Variants in UBE2R2 observed in about 807,000 individuals in gnomAD.
UBE2R2 encodes the protein ubiquitin-conjugating enzyme E2 R2.
UBE2R2 carries 1 observed loss-of-function variant against 27.8 expected under a neutral mutation model. The observed-to-expected ratio is 0.04, with a 90% CI of 0.01 to 0.17. The LOEUF (loss-of-function observed/expected upper bound fraction) is 0.17. Ranked by LOEUF, UBE2R2 falls within the 10% of genes least tolerant of loss-of-function variation. The pLI is 1.00. For missense variants in UBE2R2, 100 were observed against 291.0 expected (o/e 0.34, Z 4.78); for synonymous variants, 106 against 113.3 (o/e 0.94, Z 0.41).
At chr9:33,900,359 A>G (rs1485586293) in intron 3 of UBE2R2, 88 bp downstream of exon 3, 5 of 927,456 alleles carry the variant, frequency 5.4e-6, no homozygotes, top group Non-Finnish European at 8.3e-6. Context: ...GTCTTTTAAC[A>G]TGTAAAAAAT....
intron 4 of UBE2R2, 129 bp from the exon 5 acceptor site, chr9:33,916,889 G>T (rs1822658316): frequency 1.4e-6 from 2 of 1,391,970 alleles, no homozygotes; most frequent in Non-Finnish European, 1.9e-6. Context: ...GTATCTGTCA[G>T]ATGCTTTCAG....
intron 1 of UBE2R2, among the ~76,000 whole-genome samples, chr9:33,857,639 G>A (rs369366064): frequency 9.2e-5 from 14 of 152,280 alleles, no homozygotes; most frequent in African/African-American, 3.4e-4. Flanking sequence ...TTTTAAATTA[G>A]AAAGTGTTAC....
intron 1 of UBE2R2, among the ~76,000 whole-genome samples, chr9:33,877,185 T>C (rs1821623721): frequency 6.7e-6 from 1 of 149,484 alleles, no homozygotes; most frequent in African/African-American, 2.4e-5. Context: ...ATTGAATTTT[T>C]TTTTTTTTTT....
chr9:33,863,469 G>A (rs909761595), intron 1 of UBE2R2, among the ~76,000 whole-genome samples: 1 of 151,568 alleles, frequency 6.6e-6, no homozygotes, highest in African/African-American at 2.4e-5. Context: ...CCGAGATCAA[G>A]ATTGCGTTGC....
chr9:33,917,341 G>A lies in UBE2R2; in HGVS notation c.*104G>A, dbSNP rs576785644. On this transcript the variant is annotated 3_prime_UTR_variant, in exon 5 of 5. Transcript: ENST00000263228. ...CCCTCAGCAAAAACCTATTCACAGCGGGTGGGGAAACACACACAGCTCCTG... is the reference window on the plus strand; with the variant it reads ...CCCTCAGCAAAAACCTATTCACAGCAGGTGGGGAAACACACACAGCTCCTG... 9.3e-5 allele frequency: 142 copies of A among 1,532,772 alleles called. No individual in the cohort carries two copies. The African/African-American group carries it at 1.5e-3, about 16-fold the overall frequency. 94.9% of individuals were successfully genotyped at this position (1,532,772 alleles called of 1,614,324 possible). A position where few individuals can be genotyped will look rare whatever the true frequency, so the allele number is the denominator to read the frequency against.
At chr9:33,815,933 G>A (rs1038151050), upstream of UBE2R2, among the ~76,000 whole-genome samples, 4 of 152,134 alleles carry the variant, frequency 2.6e-5, no homozygotes, top group African/African-American at 9.7e-5. Flanking sequence ...AAACAGCCGG[G>A]TGTGGAGGCA....
chr9:33,826,423 G>A (rs1219193026), intron 1 of UBE2R2, among the ~76,000 whole-genome samples: 1 of 152,162 alleles, frequency 6.6e-6, no homozygotes, highest in African/African-American at 2.4e-5. Context: ...AAGTGGCTAG[G>A]AGTGGTGGCT....
chr9:33,894,632 T>C (rs1291492299), intron 2 of UBE2R2, among the ~76,000 whole-genome samples: 4 of 152,150 alleles, frequency 2.6e-5, no homozygotes, highest in African/African-American at 9.7e-5. Flanking sequence ...ATGTGGTGGC[T>C]CACACCTGTA....
Position 33,917,171 on chromosome 9 carries a change from TGAA to T in UBE2R2, c.654_656del (p.Glu218del), listed in dbSNP as rs753745524. The T allele has an allele frequency of 6.8e-6, 11 of 1,613,996 alleles. No homozygotes were observed. Among genetic ancestry groups the T allele is most frequent in the South Asian group, 2.2e-5 (2 of 91,086 alleles). On this transcript the variant is annotated inframe_deletion, in exon 5 of 5. Transcript: ENST00000263228. Reference sequence around the variant, plus strand: ...ACTTGTATGATGACGACATTGATGATGAAGATGAGGAGGAGGAAGATGCCGACT... The same window carrying T: ...ACTTGTATGATGACGACATTGATGATGATGAGGAGGAGGAAGATGCCGACT...
upstream of UBE2R2, among the ~76,000 whole-genome samples, chr9:33,815,648 G>A (rs1825737685): frequency 6.6e-6 from 1 of 152,144 alleles, no homozygotes; most frequent in Non-Finnish European, 1.5e-5. Flanking sequence ...GGAGACTGAG[G>A]TTAGAGGATG....
intron 1 of UBE2R2, among the ~76,000 whole-genome samples, chr9:33,860,852 A>G (rs1199813515): frequency 3.3e-5 from 5 of 152,090 alleles, no homozygotes; most frequent in African/African-American, 1.2e-4. Context: ...AACTATGATC[A>G]TGCCACTGTA....
chr9:33,912,173 C>A, intron 4 of UBE2R2, 75 bp downstream of exon 4: 2 of 1,251,180 alleles, frequency 1.6e-6, no homozygotes, highest in Non-Finnish European at 2.2e-6. Flanking sequence ...TTAAATCAAA[C>A]TTAAATATCC....
At chr9:33,872,500 C>T (rs1190983944) in intron 1 of UBE2R2, among the ~76,000 whole-genome samples, 1 of 151,868 alleles carries the variant, frequency 6.6e-6, no homozygotes, top group African/African-American at 2.4e-5. Flanking sequence ...ATTTAAAAAT[C>T]GAGGCACCAG....
At chr9:33,848,428 C>A (rs185166219) in intron 1 of UBE2R2, among the ~76,000 whole-genome samples, 2 of 152,148 alleles carry the variant, frequency 1.3e-5, no homozygotes, top group Admixed American at 1.3e-4. Flanking sequence ...ATCTTTCTCC[C>A]TCTTTCCTTT....
chr9:33,907,028 T>C (rs749471677), intron 3 of UBE2R2, among the ~76,000 whole-genome samples: 21 of 152,196 alleles, frequency 1.4e-4, no homozygotes, highest in Non-Finnish European at 2.6e-4. Flanking sequence ...AGACCCAAGT[T>C]TGCTTTGTCT....
intron 3 of UBE2R2, among the ~76,000 whole-genome samples, chr9:33,900,868 C>T (rs1822228250): frequency 1.3e-5 from 2 of 152,062 alleles, no homozygotes; most frequent in Non-Finnish European, 2.9e-5. Flanking sequence ...GTGCCCTGCT[C>T]ATCACATTAT....
chr9:33,821,845 C>T (rs10971713), intron 1 of UBE2R2, among the ~76,000 whole-genome samples: 11,981 of 152,060 alleles, frequency 0.079, 682 homozygotes, highest in Non-Finnish European at 0.12. Context: ...TCTTGAACCC[C>T]TGACCTTAAG....
chr9:33,876,698 G>A (rs563493069), intron 1 of UBE2R2, among the ~76,000 whole-genome samples: 12 of 152,188 alleles, frequency 7.9e-5, no homozygotes, highest in Non-Finnish European at 7.4e-5. Context: ...GGCGGATCAC[G>A]AGGTCAGGAG....
chr9:33,822,785 A>G (rs1034615919), intron 1 of UBE2R2, among the ~76,000 whole-genome samples: 6 of 151,896 alleles, frequency 4.0e-5, no homozygotes, highest in African/African-American at 1.5e-4. Flanking sequence ...TTGTTTTGCA[A>G]TGAATGAATC....
Sources: allele counts gnomAD v4.1 joint callset (sites outside exome capture counted in the v4.1 genomes callset), GRCh38; gene constraint gnomAD v4.1.1; transcripts MANE v1.5; gene names NCBI Gene and HGNC (gene_info 2026-07-23, HGNC 2026-07-21).